Variants in MOK observed in about 807,000 individuals in gnomAD.
MOK encodes MOK protein kinase, also known as MAPK/MAK/MRK overlapping kinase.
In MOK, 59 loss-of-function variants were observed where a neutral mutation model predicts 54.2. The observed-to-expected ratio is 1.09, with a 90% confidence interval of 0.88 to 1.35. The LOEUF (loss-of-function observed/expected upper bound fraction) is 1.35. MOK is among the 40% of genes most tolerant of loss of function. MOK has a pLI of 0.00. For synonymous variants in MOK, 210 were observed against 202.7 expected, an observed-to-expected ratio of 1.04 and a Z score of -0.31; for missense variants, 517 against 526.2, an observed-to-expected ratio of 0.98 and a Z score of 0.17.
chr14:102,279,222 G>C (rs775683157), intron 2 of MOK, among the ~76,000 whole-genome samples: 1 of 152,068 alleles, frequency 6.6e-6, no homozygotes, highest in Non-Finnish European at 1.5e-5. Flanking sequence ...TTTTTTAAGA[G>C]ACTCACTCCA....
At chr14:102,270,569 C>T (rs2068272106) in intron 2 of MOK, among the ~76,000 whole-genome samples, 1 of 151,630 alleles carries the variant, frequency 6.6e-6, no homozygotes, top group South Asian at 2.1e-4. Context: ...CCATTGCACT[C>T]CAGCCTGGGC....
chr14:102,290,576 C>G (rs1162921482), intron 1 of MOK, among the ~76,000 whole-genome samples: 1 of 152,120 alleles, frequency 6.6e-6, no homozygotes, highest in African/African-American at 2.4e-5. Flanking sequence ...GAGACAGAGC[C>G]AAGTGTCACA....
At position 102,238,691 on chromosome 14, in the gene MOK, C is replaced by T. The variant is rs1302784321; in HGVS notation, c.591-4902G>A. Among the ~76,000 whole-genome samples, 1 of 152,266 alleles carries T rather than the reference C, an allele frequency of 6.6e-6. No homozygotes were observed. Among genetic ancestry groups the T allele is most frequent in the East Asian group, 1.9e-4 (1 of 5,172 alleles). ...GATAGATAAGGACCAGAAGCTAGAC[C>T]TTCCCCAGGGCCAAACCGACAAAAT... On this transcript the variant is annotated intron_variant, in intron 7 of 11. Coordinates refer to ENST00000361847, the MANE Select transcript of MOK (RefSeq NM_014226.3). This position sits in a 1 kb window ranked among gnomAD's most constrained non-coding sequence, Gnocchi z 4.8.
chr14:102,304,004 C>G (rs939899253), intron 1 of MOK, among the ~76,000 whole-genome samples: 2 of 152,062 alleles, frequency 1.3e-5, no homozygotes, highest in Non-Finnish European at 2.9e-5. Context: ...TTTTGTAGAC[C>G]TTGGATTCTA....
chr14:102,218,126 C>G, the MOK span, among the ~76,000 whole-genome samples: 2 of 152,268 alleles, frequency 1.3e-5, no homozygotes, highest in African/African-American at 4.8e-5. Context: ...AAGCGCTAGT[C>G]TGCCCGCCCG....
intron 2 of MOK, 164 bp downstream of exon 2, chr14:102,283,314 C>G: frequency 1.9e-6 from 1 of 515,962 alleles, no homozygotes; most frequent in Non-Finnish European, 3.4e-6. Context: ...GAGTAAACTC[C>G]AGTATGATAA....
At chr14:102,227,894 G>T (rs1210255415), downstream of MOK, among the ~76,000 whole-genome samples, 1 of 152,238 alleles carries the variant, frequency 6.6e-6, no homozygotes, top group Non-Finnish European at 1.5e-5. Flanking sequence ...TGTCTCAACA[G>T]GGGAGCAAGG....
intron 2 of MOK, among the ~76,000 whole-genome samples, chr14:102,271,278 T>C (rs1238185882): frequency 6.6e-6 from 1 of 152,190 alleles, no homozygotes; most frequent in Non-Finnish European, 1.5e-5. Context: ...GGTTTTTTTC[T>C]TTAATATTCC....
chr14:102,283,175 TAA>T (rs5811064), intron 2 of MOK: 3 of 204,780 alleles, frequency 1.5e-5, no homozygotes, highest in Admixed American at 1.2e-4. Flanking sequence ...TTTTTTTAAT[TAA>T]AAAAAAAAGA....
At position 102,252,181 on chromosome 14, in the gene MOK, C is replaced by A. The variant is rs1383990399; in HGVS notation, c.284-186G>T. ...AACATACCATTTAAAATTCCATATA[C>A]TGGCCAGGGGCGGTGGCTCACACCT... On this transcript the variant is annotated intron_variant, in intron 4 of 11. Coordinates refer to ENST00000361847, the MANE Select transcript of MOK (RefSeq NM_014226.3). Among the ~76,000 whole-genome samples, 7 of 152,106 alleles carry A rather than the reference C, an allele frequency of 4.6e-5. No homozygotes were observed. The East Asian group carries it at 1.3e-3, about 29-fold the overall frequency.
chr14:102,278,833 G>T (rs965970329), intron 2 of MOK: 2 of 389,896 alleles, frequency 5.1e-6, no homozygotes, highest in Non-Finnish European at 1.1e-5. Flanking sequence ...ATTATCTCAC[G>T]TCCATCTCCA....
At chr14:102,260,831 A>C (rs147746452) in intron 4 of MOK, among the ~76,000 whole-genome samples, 1 of 152,312 alleles carries the variant, frequency 6.6e-6, no homozygotes, top group Non-Finnish European at 1.5e-5. Context: ...AAAAATACAT[A>C]TATTCTAAGG....
At chr14:102,221,022 C>A (rs893572359), downstream of MOK, among the ~76,000 whole-genome samples, 3 of 152,236 alleles carry the variant, frequency 2.0e-5, no homozygotes, top group Non-Finnish European at 4.4e-5. The surrounding 1 kb of genome is among the most constrained non-coding windows in gnomAD (Gnocchi z 4.8). Flanking sequence ...CCACCTCAGC[C>A]TCCCACAGGG....
intron 2 of MOK, among the ~76,000 whole-genome samples, chr14:102,269,033 CAAAGT>C (rs1204543381): frequency 2.0e-5 from 3 of 151,788 alleles, no homozygotes; most frequent in Admixed American, 1.3e-4. Context: ...AGAAAGTCCT[CAAAGT>C]AAAGGGGAGG....
intron 1 of MOK, among the ~76,000 whole-genome samples, chr14:102,301,614 T>C (rs984920887): frequency 1.3e-5 from 2 of 152,220 alleles, no homozygotes; most frequent in Non-Finnish European, 2.9e-5. Flanking sequence ...TAACTCTGTC[T>C]CTGTGATTTC....
At chr14:102,298,903 C>T (rs183178254) in intron 1 of MOK, among the ~76,000 whole-genome samples, 81 of 152,232 alleles carry the variant, frequency 5.3e-4, no homozygotes, top group African/African-American at 1.6e-3. Flanking sequence ...CCAGATGCGC[C>T]GCCTTCAGAG....
At chr14:102,259,813 A>C (rs919630432) in intron 4 of MOK, among the ~76,000 whole-genome samples, 2 of 152,128 alleles carry the variant, frequency 1.3e-5, no homozygotes, top group African/African-American at 4.8e-5. Context: ...TGAGAGGCCA[A>C]GGCGGGCAGA....
intron 4 of MOK, among the ~76,000 whole-genome samples, chr14:102,261,162 CAGG>C (rs1442639118): frequency 6.7e-6 from 1 of 148,942 alleles, no homozygotes; most frequent in East Asian, 2.0e-4. Flanking sequence ...GAGGCACAAG[CAGG>C]AGAATCGCTT....
At chr14:102,257,543 A>G (rs960020222) in intron 4 of MOK, among the ~76,000 whole-genome samples, 1 of 152,218 alleles carries the variant, frequency 6.6e-6, no homozygotes, top group Admixed American at 6.5e-5. Context: ...GGGAGAACCA[A>G]CACATCCACC....
Sources: allele counts gnomAD v4.1 joint callset (sites outside exome capture counted in the v4.1 genomes callset), GRCh38; gene constraint gnomAD v4.1.1; non-coding constraint Gnocchi (gnomAD v3.1); transcripts MANE v1.5; gene names NCBI Gene and HGNC (gene_info 2026-07-23, HGNC 2026-07-21).